Variants in ABCC1 observed in about 807,000 individuals in gnomAD.
ABCC1 encodes the protein multidrug resistance-associated protein 1.
ABCC1 carries 83 observed loss-of-function variants against 172.9 expected under a neutral mutation model. The ratio of observed to expected loss-of-function variants is 0.48; its 90% confidence interval spans 0.40 to 0.58. The LOEUF is 0.58. Ranked by LOEUF, ABCC1 falls within the 20% of genes least tolerant of loss-of-function variation. The probability of loss-of-function intolerance (pLI) is 0.00; values close to 1 mark genes in which losing one functional copy is unlikely to be tolerated. For synonymous variants in ABCC1, 937 were observed against 825.2 expected, an observed-to-expected ratio of 1.14 and a Z score of -2.32; for missense variants, 1,817 against 2,002.7, an observed-to-expected ratio of 0.91 and a Z score of 1.77.
intron 19 of ABCC1, chr16:16,094,056 G>C (rs1422218686): frequency 1.1e-5 from 1 of 91,844 alleles, no homozygotes; most frequent in African/African-American, 4.6e-5. Context: ...ATAAGCTTTT[G>C]TTTCTTCAAT....
In ABCC1 at chr16:16,131,790, C is replaced by T. The variant is rs746483854; in HGVS notation, c.3821C>T (p.Ala1274Val). ...TCTCTCCCTTCACTGCGATCGAAGG[C>T]GCCCTGGCAAATCCAGGAGACAGCT... ...LKEYSETEKE[A>V]PWQIQETAPP... The change falls in exon 27 of 31, where the codon GCG becomes GTG. Residue 1274 changes from alanine (A) to valine (V), a missense_variant and splice_region_variant. Coordinates refer to ENST00000399410, the MANE Select transcript of ABCC1 (RefSeq NM_004996.4). 3.0e-5 allele frequency: 48 copies of T among 1,612,986 alleles called. 1 individual carries two copies. The highest frequency in any genetic ancestry group is 3.3e-5 in the South Asian group (3 of 91,042).
chr16:15,996,131 C>T (rs1428691367), intron 1 of ABCC1, among the ~76,000 whole-genome samples: 1 of 151,830 alleles, frequency 6.6e-6, no homozygotes, highest in Non-Finnish European at 1.5e-5. Flanking sequence ...ACTACAGGCG[C>T]ACGCCACCAT....
intron 1 of ABCC1, among the ~76,000 whole-genome samples, chr16:15,964,238 C>T (rs772363668): frequency 3.3e-5 from 5 of 151,938 alleles, no homozygotes; most frequent in Admixed American, 6.6e-5. Context: ...CCACTGCGCC[C>T]GGCCAATTTC....
chr16:16,104,063 C>T (rs750548398), intron 20 of ABCC1, among the ~76,000 whole-genome samples: 11 of 152,054 alleles, frequency 7.2e-5, no homozygotes, highest in Admixed American at 1.3e-4. Flanking sequence ...TCGTTCCTCC[C>T]GCTGGGTTTG....
At chr16:16,096,126 G>A (rs2051466209) in intron 19 of ABCC1, among the ~76,000 whole-genome samples, 1 of 152,056 alleles carries the variant, frequency 6.6e-6, no homozygotes, top group Non-Finnish European at 1.5e-5. Flanking sequence ...AATGTCAGGA[G>A]GCTGAGGCAG....
intron 17 of ABCC1, among the ~76,000 whole-genome samples, chr16:16,085,365 C>A (rs540633692): frequency 6.6e-6 from 1 of 152,336 alleles, no homozygotes; most frequent in East Asian, 1.9e-4. Flanking sequence ...CTTGGAAGAC[C>A]AAGAGTGCAA....
At chr16:15,994,194 T>C (rs1232296412) in intron 1 of ABCC1, among the ~76,000 whole-genome samples, 1 of 152,134 alleles carries the variant, frequency 6.6e-6, no homozygotes, top group African/African-American at 2.4e-5. Context: ...TACTCAAGCC[T>C]GGGCAACAGA....
chr16:16,124,351 TTATAGGA>T (rs2045324326), intron 24 of ABCC1, among the ~76,000 whole-genome samples: 3 of 32,900 alleles, frequency 9.1e-5, no homozygotes, highest in Non-Finnish European at 1.3e-4. Context: ...GTGTGTGTGA[TTATAGGA>T]GTGACCCACT....
intron 13 of ABCC1, 136 bp from the exon 14 acceptor site, chr16:16,071,506 G>T (rs1050684504): frequency 4.4e-5 from 29 of 654,306 alleles, no homozygotes; most frequent in African/African-American, 4.2e-4. Context: ...CTGGTTCTAA[G>T]AAATGTGGGA....
chr16:16,020,493 TTATTGGAACACAGCCACTCGCGTTCA>T (rs1278654734), intron 5 of ABCC1, among the ~76,000 whole-genome samples: 1 of 152,146 alleles, frequency 6.6e-6, no homozygotes, highest in African/African-American at 2.4e-5. Flanking sequence ...AAATAAAGTT[TTATTGGAACACAGCCACTCGCGTTCA>T]TCACATAGTG....
intron 5 of ABCC1, among the ~76,000 whole-genome samples, chr16:16,020,072 C>T (rs1270140947): frequency 1.3e-5 from 2 of 152,198 alleles, no homozygotes; most frequent in Admixed American, 6.5e-5. Context: ...CAGGCGCACA[C>T]CACCATGCCT....
intron 21 of ABCC1, among the ~76,000 whole-genome samples, chr16:16,110,388 C>T (rs1368479639): frequency 6.6e-6 from 1 of 151,674 alleles, no homozygotes; most frequent in Non-Finnish European, 1.5e-5. Context: ...GCCCAGCACT[C>T]TTTATTTTTT....
chr16:16,134,031 A>G (rs1167662879), intron 27 of ABCC1, among the ~76,000 whole-genome samples: 2 of 152,220 alleles, frequency 1.3e-5, no homozygotes, highest in Non-Finnish European at 1.5e-5. Flanking sequence ...ATTACTTAAT[A>G]GTTTCTTGAG....
intron 18 of ABCC1, among the ~76,000 whole-genome samples, chr16:16,088,815 T>C (rs745636978): frequency 6.6e-6 from 1 of 152,122 alleles, no homozygotes; most frequent in Non-Finnish European, 1.5e-5. Context: ...GAATCAATCC[T>C]CCTGCCTTCT....
chr16:15,963,081 GA>G (rs1161911381), intron 1 of ABCC1, among the ~76,000 whole-genome samples: 1 of 152,222 alleles, frequency 6.6e-6, no homozygotes, highest in African/African-American at 2.4e-5. Context: ...ACACCCGTTT[GA>G]AATGGGAGAA....
intron 17 of ABCC1, 133 bp from the exon 18 acceptor site, chr16:16,086,691 A>G: frequency 2.2e-6 from 2 of 921,000 alleles, no homozygotes; most frequent in South Asian, 3.1e-5. Context: ...CTGGTCTCAA[A>G]CCCCTGGTCT....
intron 5 of ABCC1, among the ~76,000 whole-genome samples, chr16:16,032,630 GCA>G (rs1436044858): frequency 4.6e-5 from 7 of 152,204 alleles, no homozygotes; most frequent in Non-Finnish European, 7.3e-5. Context: ...AGAGTGTCTA[GCA>G]CATAGTAGAT....
rs367914331 is a variant in ABCC1 at position 16,106,782 on chromosome 16, A to G, written c.2780A>G (p.His927Arg). Residue 927 changes from histidine to arginine, a missense_variant, in exon 21 of 31, where the codon CAC becomes CGC. His to Arg is a conservative substitution (Grantham distance 29). Around this residue, in one of 3 missense-constraint regions of ABCC1, gnomAD observed 1,412 missense variants for 1,600.3 expected, o/e 0.88. Transcript: ENST00000399410. ...TCCTATAGTGGGGACATCAGCAGGC[A>G]CCACAACAGCACCGCAGAACTGCAG... Reference protein sequence around the residue: ...SSSYSGDISRHHNSTAELQKA... With the variant: ...SSSYSGDISRRHNSTAELQKA... The G allele has an allele frequency of 4.3e-6, 7 of 1,614,042 alleles. No homozygotes were observed. The highest frequency in any genetic ancestry group is 2.7e-5 in the African/African-American group (2 of 74,936).
At chr16:16,057,161 G>T (rs2049690290) in intron 12 of ABCC1, among the ~76,000 whole-genome samples, 1 of 147,774 alleles carries the variant, frequency 6.8e-6, no homozygotes, top group African/African-American at 2.5e-5. Flanking sequence ...GGCCAACCTG[G>T]TGAAACCCTG....
Sources: allele counts gnomAD v4.1 joint callset (sites outside exome capture counted in the v4.1 genomes callset), GRCh38; gene constraint gnomAD v4.1.1; regional missense constraint gnomAD v4.1.1; transcripts MANE v1.5; gene names NCBI Gene and HGNC (gene_info 2026-07-23, HGNC 2026-07-21).